The following ZNF704 variants were observed in gnomAD, a reference collection of about 807,000 sequenced individuals.
The protein encoded by ZNF704 is glucocorticoid induced gene 1.
ZNF704 carries 10 observed loss-of-function variants against 44.7 expected under a neutral mutation model. The ratio of observed to expected loss-of-function variants is 0.22; its 90% CI spans 0.14 to 0.38. ZNF704 has a LOEUF of 0.38. Among genes scored for constraint, ZNF704 ranks in the 10% least tolerant of loss-of-function variants. The pLI, the probability that ZNF704 is intolerant of heterozygous loss-of-function variation, is 1.00. For missense variants in ZNF704, 390 were observed against 545.5 expected (o/e 0.71, Z 2.84); for synonymous variants, 211 against 207.6 (o/e 1.02, Z -0.14).
At position 80,819,547 on chromosome 8, in the gene ZNF704, T is replaced by C. The variant is rs1296232771; in HGVS notation, c.221+1827A>G. Among the ~76,000 whole-genome samples, 5 of 143,840 alleles carry C rather than the reference T, an allele frequency of 3.5e-5. No homozygotes were observed. In the East Asian group the frequency reaches 7.9e-4, roughly 23 times the overall value. 94.4% of individuals were successfully genotyped at this position (143,840 alleles called of 152,430 possible). A position where few individuals can be genotyped will look rare whatever the true frequency, so the allele number is the denominator to read the frequency against. On this transcript the variant is annotated intron_variant, in intron 2 of 8. Coordinates refer to ENST00000327835, the MANE Select transcript of ZNF704 (RefSeq NM_001033723.3). ...AAGTCTAACTTTTGCCCTACAGACTTAGGAAAAAAAAAAAAAAGCACAGTT... is the reference window on the plus strand; with the variant it reads ...AAGTCTAACTTTTGCCCTACAGACTCAGGAAAAAAAAAAAAAAGCACAGTT...
intron 2 of ZNF704, among the ~76,000 whole-genome samples, chr8:80,716,597 GAA>G (rs1819075461): frequency 6.6e-6 from 1 of 152,230 alleles, no homozygotes; most frequent in South Asian, 2.1e-4. Flanking sequence ...CTGATCTACA[GAA>G]AGTTTTTGGA....
intron 2 of ZNF704, among the ~76,000 whole-genome samples, chr8:80,755,233 A>C (rs967858119): frequency 2.0e-5 from 3 of 152,178 alleles, no homozygotes; most frequent in Non-Finnish European, 4.4e-5. Context: ...TTGGGAGGCC[A>C]AGACGGGCAG....
intron 7 of ZNF704, among the ~76,000 whole-genome samples, chr8:80,652,314 G>C (rs1312711561): frequency 6.6e-6 from 1 of 151,922 alleles, no homozygotes; most frequent in Non-Finnish European, 1.5e-5. Context: ...AAATAACTAA[G>C]ATCAGAGCAG....
intron 1 of ZNF704, among the ~76,000 whole-genome samples, chr8:80,864,016 G>A (rs888898209): frequency 1.2e-4 from 19 of 152,244 alleles, no homozygotes; most frequent in Admixed American, 1.2e-3. Flanking sequence ...CGTGGGTACT[G>A]ATTTATTGAG....
In ZNF704 at chr8:80,655,006, C is replaced by A. The variant is rs867336265; in HGVS notation, c.1032+4579G>T. 2.5e-4 allele frequency among the ~76,000 whole-genome samples: 38 copies of A among 152,252 alleles called. 1 individual carries two copies. Among genetic ancestry groups the A allele is most frequent in the Middle Eastern group, 3.4e-3 (1 of 294 alleles). ...CACATATACACCATGGAATACTATG[C>A]AGCCATAAAAAATGATGAGTTCATG... On this transcript the variant is annotated intron_variant, in intron 7 of 8. Coordinates refer to ENST00000327835, the MANE Select transcript of ZNF704 (RefSeq NM_001033723.3).
intron 2 of ZNF704, among the ~76,000 whole-genome samples, chr8:80,747,678 C>T (rs1806868999): frequency 1.3e-5 from 2 of 152,182 alleles, no homozygotes; most frequent in Admixed American, 1.3e-4. Flanking sequence ...ACCACAAGAA[C>T]TCTGAACCAT....
chr8:80,861,338 T>C (rs982689432), intron 1 of ZNF704, among the ~76,000 whole-genome samples: 1 of 152,190 alleles, frequency 6.6e-6, no homozygotes, highest in Non-Finnish European at 1.5e-5. Context: ...TCCCCCAGTG[T>C]TTTCTAACAC....
At chr8:80,707,008 T>C (rs1024397059) in intron 2 of ZNF704, among the ~76,000 whole-genome samples, 6 of 152,230 alleles carry the variant, frequency 3.9e-5, no homozygotes, top group Non-Finnish European at 8.8e-5. Context: ...TGCATCTTCT[T>C]TCTCCTAATA....
At chr8:80,841,210 C>G (rs1808673041) in intron 1 of ZNF704, among the ~76,000 whole-genome samples, 1 of 152,202 alleles carries the variant, frequency 6.6e-6, no homozygotes, top group Admixed American at 6.5e-5. Context: ...CACTGTCTTC[C>G]TTGTGCTTCT....
chr8:80,791,303 G>A (rs1489910604), intron 2 of ZNF704, among the ~76,000 whole-genome samples: 1 of 152,166 alleles, frequency 6.6e-6, no homozygotes, highest in Admixed American at 6.5e-5. Context: ...GCAAAGGTGA[G>A]GTGGAGTGAT....
intron 1 of ZNF704, among the ~76,000 whole-genome samples, chr8:80,861,828 T>C (rs983549362): frequency 6.6e-6 from 1 of 151,798 alleles, no homozygotes; most frequent in Non-Finnish European, 1.5e-5. Context: ...GTCTAACAGG[T>C]ATGTCAAACT....
intron 2 of ZNF704, among the ~76,000 whole-genome samples, chr8:80,792,705 G>A (rs2129755111): frequency 6.6e-6 from 1 of 152,290 alleles, no homozygotes; most frequent in East Asian, 1.9e-4. Context: ...TATATGGGGA[G>A]GCACACATGG....
chr8:80,652,552 A>G (rs1349910242), intron 7 of ZNF704, among the ~76,000 whole-genome samples: 2 of 152,200 alleles, frequency 1.3e-5, no homozygotes, highest in African/African-American at 4.8e-5. Context: ...CTATGCAAAT[A>G]AACTAGAAAA....
intron 1 of ZNF704, among the ~76,000 whole-genome samples, chr8:80,843,098 T>G (rs1172559516): frequency 6.6e-6 from 1 of 152,240 alleles, no homozygotes; most frequent in Non-Finnish European, 1.5e-5. Flanking sequence ...CCAATATTTC[T>G]CATATATTTG....
chr8:80,651,263 G>A (rs914614188), intron 7 of ZNF704, among the ~76,000 whole-genome samples: 13 of 152,122 alleles, frequency 8.5e-5, no homozygotes, highest in Admixed American at 3.9e-4. Context: ...ATCAAGTAAC[G>A]AGCAAAACAA....
intron 1 of ZNF704, among the ~76,000 whole-genome samples, chr8:80,859,222 T>C (rs1374844908): frequency 6.6e-6 from 1 of 152,206 alleles, no homozygotes; most frequent in African/African-American, 2.4e-5. Flanking sequence ...TGATCATAGG[T>C]TTTAGGTTCT....
chr8:80,675,424 G>C (rs116256768), intron 4 of ZNF704, among the ~76,000 whole-genome samples: 73 of 152,186 alleles, frequency 4.8e-4, no homozygotes, highest in African/African-American at 1.6e-3. Context: ...AAATAAAAGA[G>C]AAGTTACTGA....
At chr8:80,719,747 T>C (rs909838970) in intron 2 of ZNF704, among the ~76,000 whole-genome samples, 8 of 152,164 alleles carry the variant, frequency 5.3e-5, no homozygotes, top group African/African-American at 1.9e-4. Flanking sequence ...AGCTGAGGGA[T>C]GGGAGAAAGC....
chr8:80,754,431 G>C (rs1321326581), intron 2 of ZNF704, among the ~76,000 whole-genome samples: 1 of 152,082 alleles, frequency 6.6e-6, no homozygotes, highest in Non-Finnish European at 1.5e-5. Context: ...ATTAAAACAA[G>C]TATTAAATTT....
Sources: gnomAD v4.1 joint callset for allele counts (sites outside exome capture counted in the v4.1 genomes callset) on GRCh38, gnomAD v4.1.1 for gene constraint, MANE v1.5 for transcripts, NCBI Gene and HGNC (gene_info 2026-07-23, HGNC 2026-07-21) for gene names.